Variants in NCKAP1L observed in about 807,000 individuals in gnomAD.
NCKAP1L encodes the protein NCK associated protein 1 like, also known as nck-associated protein 1-like.
A neutral mutation model predicts 139.2 loss-of-function variants in NCKAP1L; 53 were observed. The observed-to-expected ratio is 0.38, with a 90% CI of 0.31 to 0.48. The LOEUF (loss-of-function observed/expected upper bound fraction) is 0.48. NCKAP1L is among the 20% of genes least tolerant of loss of function. The pLI, the probability that NCKAP1L is intolerant of heterozygous loss-of-function variation, is 0.98. For missense variants in NCKAP1L, 1,151 were observed against 1,381.9 expected, an observed-to-expected ratio of 0.83 and a Z score of 2.65; for synonymous variants, 468 against 499.7, an observed-to-expected ratio of 0.94 and a Z score of 0.85.
chr12:54,509,803 T>G, intron 6 of NCKAP1L, 44 bp downstream of exon 6: 1 of 1,614,166 alleles, frequency 6.2e-7, no homozygotes, highest in Non-Finnish European at 8.5e-7. Context: ...AAAAGTATAT[T>G]GTCCTCATGA....
intron 17 of NCKAP1L, 45 bp downstream of exon 17, chr12:54,520,871 T>C: frequency 6.2e-7 from 1 of 1,612,440 alleles, no homozygotes; most frequent in Non-Finnish European, 8.5e-7. Context: ...CTAGTCATCA[T>C]CCTTATCACC....
At chr12:54,507,619 A>C (rs961620993) in intron 3 of NCKAP1L, among the ~76,000 whole-genome samples, 5 of 152,162 alleles carry the variant, frequency 3.3e-5, no homozygotes, top group African/African-American at 9.7e-5. Flanking sequence ...AGTGTGTGTA[A>C]TGTAATAGAG....
chr12:54,500,551 C>T lies in NCKAP1L; in HGVS notation c.232C>T (p.His78Tyr), dbSNP rs146252835. The T allele has an allele frequency of 4.0e-4, 642 of 1,611,736 alleles. No individual in the cohort carries two copies. The highest frequency in any genetic ancestry group is 5.0e-4 in the Non-Finnish European group (591 of 1,178,122). The change falls in exon 3 of 31, where the codon CAT becomes TAT. Residue 78 changes from histidine (H) to tyrosine (Y), a missense_variant. His to Tyr is a moderately conservative substitution (Grantham distance 83). Coordinates refer to ENST00000293373, the MANE Select transcript of NCKAP1L (RefSeq NM_005337.5). ...RNSTQHLGPV[H>Y]REKAEIIRFL... Reference sequence around the variant, plus strand: ...CTCTCAGCAACATTTAGGACCAGTACATCGTGAAAAAGCCGAGATAATTAG... The same window carrying T: ...CTCTCAGCAACATTTAGGACCAGTATATCGTGAAAAAGCCGAGATAATTAG...
intron 2 of NCKAP1L, among the ~76,000 whole-genome samples, chr12:54,500,130 T>TC (rs1298599731): frequency 2.7e-4 from 2 of 7,544 alleles, no homozygotes; most frequent in African/African-American, 4.3e-3. Context: ...TCTTTTCTTT[T>TC]TTTTTTTTTT....
intron 29 of NCKAP1L, among the ~76,000 whole-genome samples, chr12:54,537,377 A>G (rs1179151976): frequency 6.6e-6 from 1 of 152,222 alleles, no homozygotes; most frequent in Non-Finnish European, 1.5e-5. Flanking sequence ...ATTTTCATAT[A>G]TAAAACAGTG....
chr12:54,498,715 A>G (rs906647108), intron 1 of NCKAP1L: 2 of 860,034 alleles, frequency 2.3e-6, no homozygotes, highest in African/African-American at 3.7e-5. Context: ...ACAAAGTCTA[A>G]CTCCTGAGCA....
At chr12:54,542,534 C>A in intron 30 of NCKAP1L, 41 bp from the exon 31 acceptor site, 8 of 1,445,720 alleles carry the variant, frequency 5.5e-6, no homozygotes, top group Non-Finnish European at 6.8e-6. Flanking sequence ...CAGACAAATG[C>A]CCTACCTGAG....
intron 29 of NCKAP1L, among the ~76,000 whole-genome samples, chr12:54,537,829 G>A (rs17113289): frequency 0.29 from 43,372 of 151,794 alleles, 7,602 homozygotes; most frequent in African/African-American, 0.49. Flanking sequence ...ACTAGGCAGC[G>A]GATTCCACTG....
In NCKAP1L at chr12:54,546,479, G is replaced by T. The variant is rs1368747123; in HGVS notation, c.*3794G>T. The stretch of plus-strand genomic sequence containing the variant: ...GTGCTGTGAATACCAGGATCCAGGA[G>T]GGAGGGAGGGTATATCTGTGTCCCC... On this transcript the variant is annotated 3_prime_UTR_variant, in exon 31 of 31. Coordinates refer to ENST00000293373, the MANE Select transcript of NCKAP1L (RefSeq NM_005337.5). 1 of 152,242 alleles carries T rather than the reference G, an allele frequency of 6.6e-6. No individual in the cohort carries two copies. Among genetic ancestry groups the T allele is most frequent in the East Asian group, 1.9e-4 (1 of 5,200 alleles). 9.4% of individuals were successfully genotyped at this position (152,242 alleles called of 1,614,324 possible).
intron 30 of NCKAP1L, 47 bp from the exon 31 acceptor site, chr12:54,542,528 C>A: frequency 2.1e-6 from 3 of 1,409,236 alleles, no homozygotes; most frequent in African/African-American, 2.8e-5. Context: ...GTATCACAGA[C>A]AAATGCCCTA....
In NCKAP1L at chr12:54,547,415, T is replaced by A. The variant is rs1411149229; in HGVS notation, c.*4730T>A. 6.6e-6 allele frequency: 1 copy of A among 152,190 alleles called. No individual in the cohort carries two copies. The highest frequency in any genetic ancestry group is 2.4e-5 in the African/African-American group (1 of 41,436). 9.4% of individuals were successfully genotyped at this position (152,190 alleles called of 1,614,324 possible). A position where few individuals can be genotyped will look rare whatever the true frequency, so the allele number is the denominator to read the frequency against. On this transcript the variant is annotated 3_prime_UTR_variant, in exon 31 of 31. Transcript: ENST00000293373. ...TTACTTTTTCCATCAAACTGTGTTGTCTATGAAGTTTTCCCATTTATTAAA... is the reference window on the plus strand; with the variant it reads ...TTACTTTTTCCATCAAACTGTGTTGACTATGAAGTTTTCCCATTTATTAAA...
chr12:54,527,950 A>G (rs1957039663), intron 21 of NCKAP1L, among the ~76,000 whole-genome samples: 1 of 152,140 alleles, frequency 6.6e-6, no homozygotes, highest in Admixed American at 6.5e-5. Flanking sequence ...GGGTGAGGGG[A>G]ATACAGCTGT....
chr12:54,508,560 G>A, intron 5 of NCKAP1L, 29 bp downstream of exon 5: 1 of 1,610,244 alleles, frequency 6.2e-7, no homozygotes, highest in Non-Finnish European at 8.5e-7. Flanking sequence ...ATTATATGAA[G>A]AGTCTCATAC....
chr12:54,502,245 G>A (rs757778353), intron 3 of NCKAP1L, among the ~76,000 whole-genome samples: 5 of 152,210 alleles, frequency 3.3e-5, no homozygotes, highest in Non-Finnish European at 7.3e-5. Context: ...AATTTGAAAT[G>A]TTTCAATGAG....
chr12:54,512,894 A>C (rs1203006880), intron 9 of NCKAP1L, among the ~76,000 whole-genome samples: 1 of 152,134 alleles, frequency 6.6e-6, no homozygotes, highest in Non-Finnish European at 1.5e-5. Flanking sequence ...AGAAACTATC[A>C]AGATTTTTGA....
intron 22 of NCKAP1L, among the ~76,000 whole-genome samples, chr12:54,529,032 T>C (rs1427657603): frequency 1.3e-5 from 2 of 152,200 alleles, no homozygotes; most frequent in African/African-American, 4.8e-5. Context: ...ATGACATTTA[T>C]TGTGGGCTAA....
intron 7 of NCKAP1L, 22 bp downstream of exon 7, chr12:54,510,007 T>C (rs1360074480): frequency 1.2e-6 from 2 of 1,613,202 alleles, no homozygotes; most frequent in East Asian, 4.5e-5. Context: ...TTTCCTTTTG[T>C]TAGTGGAAGC....
At chr12:54,516,362 A>G in intron 10 of NCKAP1L, 67 bp downstream of exon 10, 1 of 1,454,024 alleles carries the variant, frequency 6.9e-7, no homozygotes, top group Non-Finnish European at 9.7e-7. Context: ...TTTTGTTCTC[A>G]CCTAAGCCAT....
At chr12:54,528,611 A>ATCTTCT (rs113269671) in intron 22 of NCKAP1L, among the ~76,000 whole-genome samples, 2 of 150,120 alleles carry the variant, frequency 1.3e-5, no homozygotes, top group African/African-American at 4.9e-5. Flanking sequence ...CTGTCATGGC[A>ATCTTCT]TCTTCTTCTT....
Sources: allele counts gnomAD v4.1 joint callset (sites outside exome capture counted in the v4.1 genomes callset), GRCh38; gene constraint gnomAD v4.1.1; transcripts MANE v1.5; gene names NCBI Gene and HGNC (gene_info 2026-07-23, HGNC 2026-07-21).